Variants in INSYN2B observed in about 807,000 individuals in gnomAD.
INSYN2B encodes the protein protein INSYN2B.
INSYN2B carries 16 observed loss-of-function variants against 41.2 expected under a neutral mutation model. The ratio of observed to expected loss-of-function variants is 0.39; its 90% confidence interval spans 0.26 to 0.59. The LOEUF (loss-of-function observed/expected upper bound fraction) is 0.59. Ranked by LOEUF, INSYN2B falls within the 20% of genes least tolerant of loss-of-function variation. The pLI, the probability that INSYN2B is intolerant of heterozygous loss-of-function variation, is 0.57. For missense variants in INSYN2B, 608 were observed against 646.4 expected (o/e 0.94, Z 0.64); for synonymous variants, 245 against 244.4 (o/e 1.00, Z -0.02).
intron 1 of INSYN2B, among the ~76,000 whole-genome samples, chr5:169,933,037 G>A (rs1775828773): frequency 1.3e-5 from 2 of 152,172 alleles, no homozygotes; most frequent in Non-Finnish European, 2.9e-5. Context: ...GGCAGGTATT[G>A]GCAGGCAAAA....
intron 1 of INSYN2B, among the ~76,000 whole-genome samples, chr5:169,975,294 T>C (rs1301618576): frequency 6.6e-6 from 1 of 152,196 alleles, no homozygotes; most frequent in African/African-American, 2.4e-5. Flanking sequence ...TAGAAAGACA[T>C]GGAAAATGCT....
intron 1 of INSYN2B, among the ~76,000 whole-genome samples, chr5:169,932,812 C>T (rs1775816824): frequency 2.0e-5 from 3 of 152,030 alleles, no homozygotes; most frequent in South Asian, 2.1e-4. Context: ...TAAATAGTGG[C>T]TTCCTTGTCT....
chr5:169,966,424 A>G (rs935157403), intron 1 of INSYN2B, among the ~76,000 whole-genome samples: 1 of 152,182 alleles, frequency 6.6e-6, no homozygotes, highest in Non-Finnish European at 1.5e-5. Flanking sequence ...AAGTGTAACC[A>G]TTTATTGAGC....
chr5:169,978,101 T>C (rs1777781576), intron 1 of INSYN2B, among the ~76,000 whole-genome samples: 1 of 152,080 alleles, frequency 6.6e-6, no homozygotes, highest in African/African-American at 2.4e-5. Context: ...TTATTTTATT[T>C]TGGTCGTGCG....
intron 1 of INSYN2B, among the ~76,000 whole-genome samples, chr5:169,908,808 A>G (rs575144737): frequency 6.9e-6 from 1 of 145,768 alleles, no homozygotes; most frequent in South Asian, 2.2e-4. Context: ...TCTGCCTCCC[A>G]GGTTCAAGCA....
At chr5:169,867,173 G>A (rs1310649827) in intron 3 of INSYN2B, among the ~76,000 whole-genome samples, 1 of 152,244 alleles carries the variant, frequency 6.6e-6, no homozygotes, top group African/African-American at 2.4e-5. Context: ...TTCAGCCCCT[G>A]TGTAGCACTC....
intron 1 of INSYN2B, among the ~76,000 whole-genome samples, chr5:169,952,680 C>A (rs1215386719): frequency 6.6e-6 from 1 of 152,150 alleles, no homozygotes; most frequent in Non-Finnish European, 1.5e-5. Context: ...TTTTCCTAAT[C>A]CCGTGGATAT....
intron 1 of INSYN2B, among the ~76,000 whole-genome samples, chr5:169,899,896 G>T (rs1008390484): frequency 3.9e-5 from 6 of 152,074 alleles, no homozygotes; most frequent in South Asian, 2.1e-4. Context: ...ATGCTATCAG[G>T]CATCTGCCCT....
intron 1 of INSYN2B, among the ~76,000 whole-genome samples, chr5:169,970,404 G>A (rs996826389): frequency 3.3e-5 from 5 of 152,228 alleles, no homozygotes; most frequent in Non-Finnish European, 7.3e-5. Flanking sequence ...CAGCCCCCTG[G>A]CTGAAATAAG....
intron 1 of INSYN2B, among the ~76,000 whole-genome samples, chr5:169,896,669 A>G (rs555610182): frequency 5.9e-5 from 9 of 151,976 alleles, no homozygotes; most frequent in African/African-American, 1.9e-4. Flanking sequence ...CATCATTATT[A>G]TTATCAAAGT....
intron 3 of INSYN2B, among the ~76,000 whole-genome samples, chr5:169,869,025 T>G (rs1289927210): frequency 1.3e-5 from 2 of 152,180 alleles, no homozygotes; most frequent in African/African-American, 4.8e-5. Flanking sequence ...TTACACTAGC[T>G]TCCTCGCTGG....
chr5:169,926,931 G>A (rs1029894765), intron 1 of INSYN2B, among the ~76,000 whole-genome samples: 4 of 152,346 alleles, frequency 2.6e-5, no homozygotes, highest in African/African-American at 7.2e-5. Flanking sequence ...GCAGAATAGG[G>A]AAGAACTAAA....
chr5:169,882,101 G>C (rs983684237), intron 2 of INSYN2B, among the ~76,000 whole-genome samples: 1 of 152,182 alleles, frequency 6.6e-6, no homozygotes, highest in Non-Finnish European at 1.5e-5. Context: ...CAGTACAGGG[G>C]AAGGTCAATA....
In INSYN2B at chr5:169,882,569, G is replaced by A. The variant is rs766441724; in HGVS notation, c.1330C>T (p.Arg444Ter). The A allele has an allele frequency of 1.9e-6, 3 of 1,546,554 alleles. No homozygotes were observed. The highest frequency in any genetic ancestry group is 2.6e-6 in the Non-Finnish European group (3 of 1,142,738). The change falls in exon 2 of 4, where the codon CGA (arginine) becomes TGA (stop). Residue 444 changes from arginine to a stop codon, truncating the protein, a stop_gained. Coordinates refer to ENST00000377365, the MANE Select transcript of INSYN2B (RefSeq NM_001129891.3). LOFTEE classifies it high-confidence loss of function. ...TCTCCTTACCCTTCAGTGAGAGCTC[G>A]AGCTTTCTCCAAGTCTTGAATTACA... The part of the protein sequence containing the change: ...LNVIQDLEKA[R>*]ALTEGRNFYR...
intron 1 of INSYN2B, among the ~76,000 whole-genome samples, chr5:169,930,903 G>T (rs993115544): frequency 1.3e-5 from 2 of 152,114 alleles, no homozygotes; most frequent in Non-Finnish European, 2.9e-5. Context: ...ATACAATAAA[G>T]GATACCTGTC....
At chr5:169,926,386 C>G (rs1775457835) in intron 1 of INSYN2B, among the ~76,000 whole-genome samples, 1 of 152,134 alleles carries the variant, frequency 6.6e-6, no homozygotes, top group Admixed American at 6.5e-5. Context: ...TTTTCAACTG[C>G]CATATACATG....
Position 169,980,374 on chromosome 5 carries a change from A to G in INSYN2B, c.-1016T>C, listed in dbSNP as rs1372470589. On this transcript the variant is annotated 5_prime_UTR_variant, in exon 1 of 4. Transcript: ENST00000377365. ...CAAAATTACTCCAAAAGAAGGAATA[A>G]TAAGTCCTTCATATTGTAATTTTCA... 6.6e-6 allele frequency: 1 copy of G among 152,232 alleles called. No homozygotes were observed. The highest frequency in any genetic ancestry group is 1.5e-5 in the Non-Finnish European group (1 of 68,048). 9.4% of individuals were successfully genotyped at this position (152,232 alleles called of 1,614,324 possible). A position where few individuals can be genotyped will look rare whatever the true frequency, so the allele number is the denominator to read the frequency against.
At chr5:169,918,055 T>C (rs1035876239) in intron 1 of INSYN2B, among the ~76,000 whole-genome samples, 1 of 152,232 alleles carries the variant, frequency 6.6e-6, no homozygotes, top group African/African-American at 2.4e-5. Flanking sequence ...TAGCATAAAC[T>C]TCTGATATTC....
intron 3 of INSYN2B, among the ~76,000 whole-genome samples, chr5:169,871,596 C>T (rs1289760142): frequency 6.6e-6 from 1 of 152,142 alleles, no homozygotes; most frequent in Non-Finnish European, 1.5e-5. Flanking sequence ...AGTCAGAATC[C>T]GAACCCTGAC....
Sources: gnomAD v4.1 joint callset for allele counts (sites outside exome capture counted in the v4.1 genomes callset) on GRCh38, gnomAD v4.1.1 for gene constraint, MANE v1.5 for transcripts, NCBI Gene and HGNC (gene_info 2026-07-23, HGNC 2026-07-21) for gene names.